PTDSS2: variants seen among roughly 807,000 people sequenced by gnomAD.
PTDSS2 encodes the protein phosphatidylserine synthase 2.
PTDSS2 carries 41 observed loss-of-function variants against 64.7 expected under a neutral mutation model. The observed-to-expected ratio is 0.63, with a 90% confidence interval of 0.49 to 0.82. The LOEUF is 0.82. PTDSS2 is among the 40% of genes least tolerant of loss of function. PTDSS2 has a pLI of 0.00. For synonymous variants in PTDSS2, 297 were observed against 277.8 expected (o/e 1.07, Z -0.69); for missense variants, 485 against 650.0 (o/e 0.75, Z 2.76).
At chr11:487,319 CG>C in intron 5 of PTDSS2, 100 bp from the exon 6 acceptor site, 8 of 1,176,950 alleles carry the variant, frequency 6.8e-6, no homozygotes, top group Non-Finnish European at 1.0e-5. Context: ...GCCTTCTTCC[CG>C]GGGTCTGGCA....
At position 477,555 on chromosome 11, in the gene PTDSS2, G is replaced by C. The variant is rs114505861; in HGVS notation, c.368-1530G>C. Among the ~76,000 whole-genome samples the C allele has an allele frequency of 1.1e-3, 169 of 152,318 alleles. 1 individual carries two copies. Among genetic ancestry groups the C allele is most frequent in the African/African-American group, 3.9e-3 (164 of 41,558 alleles). On this transcript the variant is annotated intron_variant, in intron 3 of 11. Transcript: ENST00000308020. ...GTGAGTGGGGAGAGGAGTCCGAGAT[G>C]CCACCTTTCTGATCTGGGGAGCTGG...
chr11:483,370 C>T (rs1185980727), intron 4 of PTDSS2, among the ~76,000 whole-genome samples: 2 of 150,694 alleles, frequency 1.3e-5, no homozygotes, highest in Non-Finnish European at 3.0e-5. Context: ...GTGAGTTTTT[C>T]GTAGATCTCC....
At chr11:456,037 G>A (rs1846576176) in intron 1 of PTDSS2, among the ~76,000 whole-genome samples, 1 of 152,198 alleles carries the variant, frequency 6.6e-6, no homozygotes, top group Non-Finnish European at 1.5e-5. Context: ...CACGCACACG[G>A]CATGAAGGTG....
chr11:478,685 G>T, intron 3 of PTDSS2, among the ~76,000 whole-genome samples: 1 of 151,396 alleles, frequency 6.6e-6, no homozygotes, highest in South Asian at 2.1e-4. Context: ...GAAGGTTGCA[G>T]TGAGCTGAGA....
Position 460,410 on chromosome 11 carries a change from C to T in PTDSS2, c.284+122C>T, listed in dbSNP as rs112077735. 28 of 738,524 alleles carry T rather than the reference C, an allele frequency of 3.8e-5. No individual in the cohort carries two copies. The highest frequency in any genetic ancestry group is 6.6e-5 in the Admixed American group (3 of 45,518). 45.7% of individuals were successfully genotyped at this position (738,524 alleles called of 1,614,324 possible). On this transcript the variant is annotated intron_variant, in intron 2 of 11. Transcript: ENST00000308020. The surrounding 1 kb of genome is among the most constrained non-coding windows in gnomAD (Gnocchi z 5.8). The stretch of plus-strand genomic sequence containing the variant: ...CCTTCACCAGAGGGCTGCGTGGGGC[C>T]GCCGGCCTCTCCCTTGAGTGTGTCT...
At chr11:456,457 G>A (rs1846602199) in intron 1 of PTDSS2, among the ~76,000 whole-genome samples, 2 of 151,730 alleles carry the variant, frequency 1.3e-5, no homozygotes, top group African/African-American at 2.4e-5. Context: ...AATTACAGGT[G>A]TGAGCCACGG....
rs1238579420 is a variant in PTDSS2, at chr11:488,084, G to C, written c.622-115G>C. ...CTGCACGCACCCGTGGGCAGGGCCG[G>C]GCGTGGCCGGCGTCCCATACTCTGG... On this transcript the variant is annotated intron_variant, in intron 6 of 11. Coordinates refer to ENST00000308020, the MANE Select transcript of PTDSS2 (RefSeq NM_030783.3). 5 of 713,098 alleles carry C rather than the reference G, an allele frequency of 7.0e-6. No homozygotes were observed. The African/African-American group carries it at 8.9e-5, about 13-fold the overall frequency. 44.2% of individuals were successfully genotyped at this position (713,098 alleles called of 1,614,324 possible). A position where few individuals can be genotyped will look rare whatever the true frequency, so the allele number is the denominator to read the frequency against.
At chr11:451,938 G>C (rs1240957302) in intron 1 of PTDSS2, among the ~76,000 whole-genome samples, 2 of 152,286 alleles carry the variant, frequency 1.3e-5, no homozygotes, top group Admixed American at 6.5e-5. Flanking sequence ...AGGAGATGGG[G>C]TGCCTGCCAC....
At chr11:477,202 T>G (rs1354178988) in intron 3 of PTDSS2, among the ~76,000 whole-genome samples, 1 of 152,170 alleles carries the variant, frequency 6.6e-6, no homozygotes, top group Non-Finnish European at 1.5e-5. Context: ...GGTGCTGCTT[T>G]CTTTGGAAAC....
At position 450,527 on chromosome 11, in the gene PTDSS2, G is replaced by A; in HGVS notation, c.72G>A (p.Ser24=). 1 of 1,240,964 alleles carries A rather than the reference G, an allele frequency of 8.1e-7. No individual in the cohort carries two copies. Among genetic ancestry groups the A allele is most frequent in the Non-Finnish European group, 1.0e-6 (1 of 985,462 alleles). 76.9% of individuals were successfully genotyped at this position (1,240,964 alleles called of 1,614,324 possible). The stretch of plus-strand genomic sequence containing the variant: ...CCCCGGTGCCCGCGGGCAGGGCCTC[G>A]CTGGAGGAGCCGCCTGACGGGCCGT... The part of the protein sequence containing the change: ...PESPVPAGRA[S]LEEPPDGPSA... The change falls in exon 1 of 12, where the codon TCG becomes TCA. Residue 24 remains serine (S), a synonymous_variant. Coordinates refer to ENST00000308020, the MANE Select transcript of PTDSS2 (RefSeq NM_030783.3).
chr11:484,755 G>A (rs1404863628), intron 4 of PTDSS2, among the ~76,000 whole-genome samples: 2 of 149,392 alleles, frequency 1.3e-5, no homozygotes, highest in Non-Finnish European at 3.0e-5. Context: ...GCGCAGGCGA[G>A]TGTAAGTGCA....
intron 4 of PTDSS2, among the ~76,000 whole-genome samples, chr11:481,239 A>G (rs1011938665): frequency 2.6e-5 from 4 of 152,158 alleles, no homozygotes; most frequent in East Asian, 1.9e-4. Context: ...AGGATTGGTC[A>G]TGATCTAGTA....
intron 2 of PTDSS2, among the ~76,000 whole-genome samples, chr11:468,492 GC>G (rs1847243744): frequency 6.6e-6 from 1 of 152,348 alleles, no homozygotes; most frequent in South Asian, 2.1e-4. Context: ...GGCGGGGAAG[GC>G]CGACTGACAA....
Position 487,474 on chromosome 11 carries a change from C to T in PTDSS2, c.621+4C>T, listed in dbSNP as rs770101959. 2.2e-5 allele frequency: 35 copies of T among 1,613,386 alleles called. No individual in the cohort carries two copies. Among genetic ancestry groups the T allele is most frequent in the Admixed American group, 1.7e-4 (10 of 60,004 alleles). ...CTTTCTTGGCTGGTACCTGAAGGTA[C>T]GGCACCTCCTCTTCCCGGCCTCCCC... On this transcript the variant is annotated splice_donor_region_variant and intron_variant, in intron 6 of 11. Transcript: ENST00000308020.
Position 470,287 on chromosome 11 carries a change from A to C in PTDSS2, c.285-3608A>C, listed in dbSNP as rs1847362553. Among the ~76,000 whole-genome samples the C allele has an allele frequency of 6.6e-6, 1 of 152,216 alleles. No individual in the cohort carries two copies. The highest frequency in any genetic ancestry group is 2.4e-5 in the African/African-American group (1 of 41,464). ...GGGGAGGCTGCTGCCCCATCCTCCC[A>C]ACCCCGACGACCCCAGCCCGGCCAT... On this transcript the variant is annotated intron_variant, in intron 2 of 11. Coordinates refer to ENST00000308020, the MANE Select transcript of PTDSS2 (RefSeq NM_030783.3). The surrounding 1 kb of genome is among the most constrained non-coding windows in gnomAD (Gnocchi z 5.3).
intron 1 of PTDSS2, among the ~76,000 whole-genome samples, chr11:457,471 G>A (rs1021342427): frequency 1.3e-5 from 2 of 152,174 alleles, no homozygotes; most frequent in Non-Finnish European, 1.5e-5. Flanking sequence ...CGATGTTCAT[G>A]ATGTTGCCCC....
rs1846949432 is a variant in PTDSS2, at chr11:462,750, G to C, written c.284+2462G>C. On this transcript the variant is annotated intron_variant, in intron 2 of 11. Transcript: ENST00000308020. The surrounding 1 kb of genome is among the most constrained non-coding windows in gnomAD (Gnocchi z 4.5). ...TACGCAGGGTGTCCACACAGAGGGTGTCCGCACACAGGGTGCCCACACACA... is the reference window on the plus strand; with the variant it reads ...TACGCAGGGTGTCCACACAGAGGGTCTCCGCACACAGGGTGCCCACACACA... Among the ~76,000 whole-genome samples the C allele has an allele frequency of 6.6e-6, 1 of 152,136 alleles. No individual in the cohort carries two copies. Among genetic ancestry groups the C allele is most frequent in the Admixed American group, 6.6e-5 (1 of 15,238 alleles).
At chr11:473,363 T>C (rs1847569998) in intron 2 of PTDSS2, among the ~76,000 whole-genome samples, 2 of 152,206 alleles carry the variant, frequency 1.3e-5, no homozygotes, top group South Asian at 4.1e-4. Flanking sequence ...CTGGGGGTCC[T>C]GCCGCGTTGG....
chr11:484,948 T>G (rs1848249129), intron 4 of PTDSS2, among the ~76,000 whole-genome samples: 1 of 144,050 alleles, frequency 6.9e-6, no homozygotes. Flanking sequence ...GGCGCGTGTG[T>G]GCTCACTGTG....
Sources: allele counts gnomAD v4.1 joint callset (sites outside exome capture counted in the v4.1 genomes callset), GRCh38; gene constraint gnomAD v4.1.1; non-coding constraint Gnocchi (gnomAD v3.1); transcripts MANE v1.5; gene names NCBI Gene and HGNC (gene_info 2026-07-23, HGNC 2026-07-21).